FANCB: variants seen among roughly 807,000 people sequenced by gnomAD.
The protein encoded by FANCB is Fanconi anemia group B protein.
A neutral mutation model predicts 38.9 loss-of-function variants in FANCB; 5 were observed. That is an observed-to-expected ratio of 0.13 (90% confidence interval 0.07 to 0.27). The LOEUF is 0.27. Among genes scored for constraint, FANCB ranks in the 10% least tolerant of loss-of-function variants. The pLI, the probability that FANCB is intolerant of heterozygous loss-of-function variation, is 1.00. For synonymous variants in FANCB, 236 were observed against 215.4 expected (o/e 1.10, Z -0.84); for missense variants, 573 against 602.7 (o/e 0.95, Z 0.52).
At chrX:14,694,767 C>T in the FANCB span, among the ~76,000 whole-genome samples, 1 of 112,530 alleles carries the variant, frequency 8.9e-6, no homozygotes, top group Admixed American at 9.4e-5. Flanking sequence ...GAAAAAAATG[C>T]AGCCTTTTGA....
At chrX:14,693,239 C>T in the FANCB span, among the ~76,000 whole-genome samples, 1 of 111,426 alleles carries the variant, frequency 9.0e-6, no homozygotes, top group Non-Finnish European at 1.9e-5. Flanking sequence ...AATAGGCACA[C>T]CTATAATATA....
At chrX:14,775,786 AT>A in the FANCB span, among the ~76,000 whole-genome samples, 1 of 112,115 alleles carries the variant, frequency 8.9e-6, no homozygotes, top group Non-Finnish European at 1.9e-5. Flanking sequence ...CGAGTCAGTT[AT>A]TTAGAGTTAT....
chrX:14,812,144 C>T, the FANCB span, among the ~76,000 whole-genome samples: 1 of 110,039 alleles, frequency 9.1e-6, no homozygotes, highest in Non-Finnish European at 1.9e-5. Flanking sequence ...ATACCAGAAT[C>T]TCTGGGACAC....
At chrX:14,726,669 G>C in the FANCB span, among the ~76,000 whole-genome samples, 1 of 112,352 alleles carries the variant, frequency 8.9e-6, no homozygotes, top group Non-Finnish European at 1.9e-5. Context: ...ATTCTAACCT[G>C]ACATCCTTCT....
chrX:14,779,578 C>G, the FANCB span, among the ~76,000 whole-genome samples: 1 of 111,970 alleles, frequency 8.9e-6, no homozygotes, highest in South Asian at 3.7e-4. Flanking sequence ...GCAAGAAGGC[C>G]CTCAGCAGAC....
the FANCB span, among the ~76,000 whole-genome samples, chrX:14,727,413 G>A: frequency 2.7e-5 from 3 of 111,810 alleles, no homozygotes; most frequent in Non-Finnish European, 5.6e-5. Flanking sequence ...TTCCCAGAGC[G>A]GATCTCTCTT....
At chrX:14,772,339 G>A in the FANCB span, among the ~76,000 whole-genome samples, 7 of 112,350 alleles carry the variant, frequency 6.2e-5, no homozygotes, top group African/African-American at 1.9e-4. Flanking sequence ...CCTGCCCAGT[G>A]AGGAGGAATG....
chrX:14,710,184 T>C, the FANCB span, among the ~76,000 whole-genome samples: 3 of 112,087 alleles, frequency 2.7e-5, no homozygotes, highest in East Asian at 5.6e-4. Flanking sequence ...ATCCTAGTGA[T>C]TGAGTTCTCA....
At chrX:14,738,300 GATTTT>G in the FANCB span, among the ~76,000 whole-genome samples, 2 of 112,098 alleles carry the variant, frequency 1.8e-5, no homozygotes, top group African/African-American at 6.5e-5. Context: ...CGTTACTGGG[GATTTT>G]ATTTTGGACA....
At chrX:14,764,241 A>G in the FANCB span, among the ~76,000 whole-genome samples, 1 of 110,943 alleles carries the variant, frequency 9.0e-6, no homozygotes, top group African/African-American at 3.3e-5. Flanking sequence ...TTGTTGGTCT[A>G]TCTTTCCATA....
At chrX:14,740,449 G>A in the FANCB span, among the ~76,000 whole-genome samples, 1 of 111,302 alleles carries the variant, frequency 9.0e-6, no homozygotes, top group Non-Finnish European at 1.9e-5. Flanking sequence ...AACATGCCAA[G>A]CACAATTCCA....
intron 1 of FANCB, among the ~76,000 whole-genome samples, chrX:14,871,823 A>T (rs867752000): frequency 3.0e-5 from 3 of 100,620 alleles, no homozygotes; most frequent in African/African-American, 1.1e-4. Context: ...GCCATGTACT[A>T]TTTTTTTTTT....
At chrX:14,806,747 T>C in the FANCB span, among the ~76,000 whole-genome samples, 5 of 112,177 alleles carry the variant, frequency 4.5e-5, no homozygotes, top group African/African-American at 1.6e-4. Flanking sequence ...ACAGAATTGC[T>C]ATGAAGTAAA....
the FANCB span, among the ~76,000 whole-genome samples, chrX:14,782,513 T>G: frequency 8.9e-6 from 1 of 112,062 alleles, no homozygotes; most frequent in Admixed American, 9.4e-5. Flanking sequence ...CTGGCCACAG[T>G]GATTGGTTCA....
the FANCB span, among the ~76,000 whole-genome samples, chrX:14,808,577 G>A: frequency 8.9e-6 from 1 of 112,088 alleles, no homozygotes; most frequent in African/African-American, 3.2e-5. Context: ...CATAATAAAA[G>A]CCATATTTGA....
the FANCB span, among the ~76,000 whole-genome samples, chrX:14,701,283 G>A: frequency 2.2e-3 from 243 of 111,327 alleles, no homozygotes; most frequent in African/African-American, 7.6e-3. Flanking sequence ...TGCTGGATTC[G>A]GTGAGGTTCT....
chrX:14,760,483 T>C, the FANCB span, among the ~76,000 whole-genome samples: 359 of 111,603 alleles, frequency 3.2e-3, 1 homozygote, highest in African/African-American at 0.011. Context: ...CATTCTAGTG[T>C]GCAGTAGAGT....
chrX:14,856,849 A>G (rs1029385096), intron 5 of FANCB, among the ~76,000 whole-genome samples: 7 of 111,906 alleles, frequency 6.3e-5, no homozygotes, highest in Non-Finnish European at 1.3e-4. Flanking sequence ...GCGAGTAAAA[A>G]CTTTGATAGA....
the FANCB span, among the ~76,000 whole-genome samples, chrX:14,735,874 G>A: frequency 1.8e-5 from 2 of 111,775 alleles, no homozygotes; most frequent in Non-Finnish European, 3.8e-5. Flanking sequence ...AGGGAGATGG[G>A]AGTTTTATCT....
Sources: allele counts gnomAD v4.1 joint callset (sites outside exome capture counted in the v4.1 genomes callset), GRCh38; gene constraint gnomAD v4.1.1; transcripts MANE v1.5; gene names NCBI Gene and HGNC (gene_info 2026-07-23, HGNC 2026-07-21).